The following CCSER1 variants were observed in gnomAD, a reference collection of about 807,000 sequenced individuals.
CCSER1 encodes coiled-coil serine rich protein 1.
In CCSER1, 41 loss-of-function variants were observed where a neutral mutation model predicts 82.0. That is an observed-to-expected ratio of 0.50 (90% CI 0.39 to 0.65). The LOEUF is 0.65. CCSER1 is among the 30% of genes least tolerant of loss of function. CCSER1 has a pLI of 0.00. For missense variants in CCSER1, 1,119 were observed against 1,064.2 expected, an observed-to-expected ratio of 1.05 and a Z score of -0.72; for synonymous variants, 414 against 383.9, an observed-to-expected ratio of 1.08 and a Z score of -0.92.
At chr4:90,627,950 T>G in intron 5 of CCSER1, 75 bp from the exon 6 acceptor site, 1 of 1,102,516 alleles carries the variant, frequency 9.1e-7, no homozygotes, top group Non-Finnish European at 1.4e-6. Flanking sequence ...ACTAGAAACA[T>G]TGATTAACAA....
At chr4:91,146,328 T>A (rs2148940776) in intron 10 of CCSER1, among the ~76,000 whole-genome samples, 2 of 152,316 alleles carry the variant, frequency 1.3e-5, no homozygotes, top group South Asian at 4.1e-4. Context: ...GGATTCATTT[T>A]TTGGCTTTCT....
chr4:90,549,404 A>G (rs749888373), intron 5 of CCSER1, among the ~76,000 whole-genome samples: 1 of 152,200 alleles, frequency 6.6e-6, no homozygotes, highest in Non-Finnish European at 1.5e-5. Flanking sequence ...AGAAGTCACG[A>G]TAAAAGTTTT....
intron 8 of CCSER1, among the ~76,000 whole-genome samples, chr4:90,816,984 T>A (rs909891488): frequency 5.3e-5 from 8 of 152,062 alleles, no homozygotes; most frequent in Non-Finnish European, 1.2e-4. Context: ...TTAGAAGACT[T>A]ATAAACTAGT....
At chr4:90,981,436 G>C (rs1014442907) in intron 9 of CCSER1, among the ~76,000 whole-genome samples, 5 of 151,744 alleles carry the variant, frequency 3.3e-5, no homozygotes, top group African/African-American at 1.2e-4. Flanking sequence ...ATCTGTTGAT[G>C]GTTCATAGAT....
intron 3 of CCSER1, among the ~76,000 whole-genome samples, chr4:90,326,167 T>C (rs1247014007): frequency 6.7e-6 from 1 of 150,170 alleles, no homozygotes; most frequent in East Asian, 2.0e-4. Context: ...CAGGCCATTC[T>C]CCTGCCTCAG....
chr4:91,397,710 T>C (rs553943180), intron 10 of CCSER1, among the ~76,000 whole-genome samples: 1 of 152,106 alleles, frequency 6.6e-6, no homozygotes, highest in East Asian at 1.9e-4. Flanking sequence ...TGAACTTGAG[T>C]TGACTTTTAA....
At chr4:90,341,710 T>C (rs759462212) in intron 3 of CCSER1, among the ~76,000 whole-genome samples, 19 of 152,114 alleles carry the variant, frequency 1.2e-4, no homozygotes, top group Non-Finnish European at 2.4e-4. Flanking sequence ...TTAAATTCAG[T>C]TTCTTTTTCT....
chr4:90,940,400 A>G (rs1731454716), intron 9 of CCSER1, among the ~76,000 whole-genome samples: 1 of 151,856 alleles, frequency 6.6e-6, no homozygotes, highest in Non-Finnish European at 1.5e-5. Flanking sequence ...ATGTTTACAT[A>G]TCAATAATTT....
chr4:91,110,770 C>A (rs1561556792), intron 10 of CCSER1, among the ~76,000 whole-genome samples: 1 of 151,884 alleles, frequency 6.6e-6, no homozygotes, highest in Non-Finnish European at 1.5e-5. Context: ...GTTGTTTCTT[C>A]TTTAAGATCA....
intron 4 of CCSER1, among the ~76,000 whole-genome samples, chr4:90,407,898 T>C (rs1236130527): frequency 6.6e-6 from 1 of 151,836 alleles, no homozygotes; most frequent in Non-Finnish European, 1.5e-5. Flanking sequence ...AAGAAAGGGG[T>C]GACAGACGGC....
chr4:91,289,508 A>T (rs1341371007), intron 10 of CCSER1, among the ~76,000 whole-genome samples: 1 of 152,076 alleles, frequency 6.6e-6, no homozygotes, highest in Admixed American at 6.6e-5. Flanking sequence ...ACTGAGTTAG[A>T]GCTGTAAGAA....
At chr4:90,995,079 C>G (rs1737375057) in intron 9 of CCSER1, among the ~76,000 whole-genome samples, 1 of 152,116 alleles carries the variant, frequency 6.6e-6, no homozygotes, top group Non-Finnish European at 1.5e-5. Flanking sequence ...TACAAACATG[C>G]ATTCTCCAAA....
intron 7 of CCSER1, among the ~76,000 whole-genome samples, chr4:90,752,302 T>C (rs981634856): frequency 2.6e-5 from 4 of 152,154 alleles, no homozygotes; most frequent in Admixed American, 6.5e-5. Context: ...ACTTCTCTAA[T>C]AGAATATATA....
At chr4:90,913,807 C>A (rs529023145) in intron 8 of CCSER1, among the ~76,000 whole-genome samples, 1 of 120,512 alleles carries the variant, frequency 8.3e-6, no homozygotes, top group Non-Finnish European at 1.6e-5. Flanking sequence ...AGCTACCAAG[C>A]AAATGGAAAA....
At chr4:90,215,903 G>A (rs1333643474) in intron 1 of CCSER1, among the ~76,000 whole-genome samples, 1 of 152,094 alleles carries the variant, frequency 6.6e-6, no homozygotes, top group South Asian at 2.1e-4. Context: ...GCCTGCACAG[G>A]GTCAGGATGT....
At chr4:90,957,561 T>C (rs992300937) in intron 9 of CCSER1, among the ~76,000 whole-genome samples, 1 of 127,102 alleles carries the variant, frequency 7.9e-6, no homozygotes, top group South Asian at 2.2e-4. Flanking sequence ...ATTATATATA[T>C]TATATAATTA....
intron 1 of CCSER1, among the ~76,000 whole-genome samples, chr4:90,229,133 C>G (rs1223254890): frequency 2.0e-5 from 3 of 152,162 alleles, no homozygotes; most frequent in African/African-American, 7.2e-5. Flanking sequence ...CACAAAGCTA[C>G]TCCTCGAGAA....
At chr4:90,770,556 A>G (rs1751927703) in intron 7 of CCSER1, among the ~76,000 whole-genome samples, 1 of 152,232 alleles carries the variant, frequency 6.6e-6, no homozygotes, top group Non-Finnish European at 1.5e-5. Context: ...ATCCCAGAGC[A>G]AGTAACATCT....
At chr4:91,441,862 C>T (rs1755180230) in intron 10 of CCSER1, among the ~76,000 whole-genome samples, 1 of 151,330 alleles carries the variant, frequency 6.6e-6, no homozygotes, top group Non-Finnish European at 1.5e-5. Context: ...GAGTGAGCTC[C>T]CATTCACAAT....
Sources: gnomAD v4.1 joint callset for allele counts (sites outside exome capture counted in the v4.1 genomes callset) on GRCh38, gnomAD v4.1.1 for gene constraint, MANE v1.5 for transcripts, NCBI Gene and HGNC (gene_info 2026-07-23, HGNC 2026-07-21) for gene names.